Variants in ZNF732 observed in about 807,000 individuals in gnomAD.
ZNF732 encodes zinc finger protein LOC654254.
ZNF732 carries 12 observed loss-of-function variants against 11.5 expected under a neutral mutation model. That is an observed-to-expected ratio of 1.05 (90% CI 0.67 to 1.70). The LOEUF (loss-of-function observed/expected upper bound fraction) is 1.70, where lower values mean the gene tolerates loss of function less well. ZNF732 is among the 40% of genes most tolerant of loss of function. The pLI, the probability that ZNF732 is intolerant of heterozygous loss-of-function variation, is 0.00. For synonymous variants in ZNF732, 231 were observed against 236.5 expected, an observed-to-expected ratio of 0.98 and a Z score of 0.21; for missense variants, 702 against 676.9, an observed-to-expected ratio of 1.04 and a Z score of -0.41.
intron 3 of ZNF732, among the ~76,000 whole-genome samples, chr4:279,464 C>G (rs1719572535): frequency 6.7e-6 from 1 of 150,090 alleles, no homozygotes; most frequent in Admixed American, 6.6e-5. Flanking sequence ...AAAACAACAA[C>G]CAGACATTAT....
At chr4:274,291 A>G (rs1719448997) in intron 3 of ZNF732, among the ~76,000 whole-genome samples, 1 of 151,718 alleles carries the variant, frequency 6.6e-6, no homozygotes, top group South Asian at 2.1e-4. Flanking sequence ...TTCAAATTCA[A>G]TGGAAGTTAA....
At chr4:297,412 T>G (rs1295886553) in intron 1 of ZNF732, among the ~76,000 whole-genome samples, 2 of 151,822 alleles carry the variant, frequency 1.3e-5, no homozygotes, top group East Asian at 3.9e-4. Context: ...TCCTGGGAGG[T>G]GGGCACTAAG....
chr4:296,607 C>G (rs1217297302), intron 1 of ZNF732, among the ~76,000 whole-genome samples: 2 of 152,206 alleles, frequency 1.3e-5, no homozygotes, highest in Non-Finnish European at 2.9e-5. Context: ...TACTGCAACA[C>G]TGGGCTGAGA....
At chr4:285,015 T>A (rs782244880) in intron 3 of ZNF732, among the ~76,000 whole-genome samples, 2 of 152,176 alleles carry the variant, frequency 1.3e-5, no homozygotes, top group Non-Finnish European at 2.9e-5. Flanking sequence ...TTTCCTTTTT[T>A]CCAGCTGGAG....
At chr4:287,129 C>T (rs377537763) in intron 3 of ZNF732, among the ~76,000 whole-genome samples, 5 of 151,874 alleles carry the variant, frequency 3.3e-5, no homozygotes, top group Non-Finnish European at 4.4e-5. Flanking sequence ...CCAGCCTGGG[C>T]GACAGAGCAA....
chr4:284,072 G>A (rs758421147), intron 3 of ZNF732, among the ~76,000 whole-genome samples: 62 of 151,954 alleles, frequency 4.1e-4, no homozygotes, highest in Non-Finnish European at 7.8e-4. Context: ...CACCACGCCC[G>A]GCTAATTTTT....
At chr4:304,696 G>C (rs1218882499) in intron 1 of ZNF732, among the ~76,000 whole-genome samples, 11 of 152,152 alleles carry the variant, frequency 7.2e-5, no homozygotes, top group African/African-American at 2.7e-4. Flanking sequence ...ACAGAACTCA[G>C]CGAAGCGCTG....
intron 3 of ZNF732, among the ~76,000 whole-genome samples, chr4:291,467 AAATT>A (rs782108764): frequency 1.1e-4 from 16 of 152,302 alleles, no homozygotes; most frequent in East Asian, 7.7e-4. Flanking sequence ...TAAAAATAAG[AAATT>A]AATTCAAAAT....
At chr4:284,850 C>CAA (rs1719696623) in intron 3 of ZNF732, among the ~76,000 whole-genome samples, 1 of 118,516 alleles carries the variant, frequency 8.4e-6, no homozygotes, top group Non-Finnish European at 1.6e-5. Context: ...CAGCCCGGGC[C>CAA]ACAGAGTGAG....
intron 3 of ZNF732, among the ~76,000 whole-genome samples, chr4:279,044 G>A (rs782073955): frequency 6.6e-6 from 1 of 152,078 alleles, no homozygotes; most frequent in Non-Finnish European, 1.5e-5. Flanking sequence ...TATTGTGTGT[G>A]TGTCTTTTCT....
At chr4:296,453 G>T (rs1399317423) in intron 1 of ZNF732, among the ~76,000 whole-genome samples, 1 of 152,064 alleles carries the variant, frequency 6.6e-6, no homozygotes, top group Non-Finnish European at 1.5e-5. Flanking sequence ...AAAGTATCTG[G>T]AATGCCTCAC....
chr4:294,674 C>G (rs1476123061), intron 3 of ZNF732, among the ~76,000 whole-genome samples: 1 of 152,100 alleles, frequency 6.6e-6, no homozygotes, highest in African/African-American at 2.4e-5. Flanking sequence ...AACTTATTCA[C>G]GAACCTTTTT....
chr4:297,459 G>C (rs1719976990), intron 1 of ZNF732, among the ~76,000 whole-genome samples: 1 of 151,940 alleles, frequency 6.6e-6, no homozygotes, highest in Non-Finnish European at 1.5e-5. Context: ...ACAGGGCCCA[G>C]AATTACCATT....
At chr4:297,313 G>A (rs181694633) in intron 1 of ZNF732, among the ~76,000 whole-genome samples, 47 of 151,788 alleles carry the variant, frequency 3.1e-4, no homozygotes, top group Admixed American at 9.2e-4. Flanking sequence ...GCATTAATGC[G>A]GTATTTATGG....
intron 3 of ZNF732, among the ~76,000 whole-genome samples, chr4:278,478 A>T (rs555480211): frequency 6.6e-6 from 1 of 152,340 alleles, no homozygotes; most frequent in East Asian, 1.9e-4. Context: ...AGGAAAAGTT[A>T]AATATTAAAT....
chr4:289,273 T>C (rs1414393614), intron 3 of ZNF732, among the ~76,000 whole-genome samples: 1 of 152,274 alleles, frequency 6.6e-6, no homozygotes, highest in African/African-American at 2.4e-5. Context: ...ACACTCTACC[T>C]GCCACCCTGC....
chr4:272,507 C>A lies in ZNF732; in HGVS notation c.350G>T (p.Cys117Phe). The A allele has an allele frequency of 1.2e-6, 2 of 1,602,052 alleles. No homozygotes were observed. The highest frequency in any genetic ancestry group is 1.7e-6 in the Non-Finnish European group (2 of 1,173,590). Residue 117 changes from cysteine (C) to phenylalanine (F), a missense_variant, in exon 4 of 4, where the codon TGT becomes TTT. Transcript: ENST00000419098. Reference protein sequence around the residue: ...GHENLELRKSCKRKVQKGGYN... With the variant: ...GHENLELRKSFKRKVQKGGYN... Reference sequence around the variant, plus strand: ...ACCTCCTTTCTGCACCTTCCTTTTACAGCTTTTTCTTAATTCTAAATTCTC... The same window carrying A: ...ACCTCCTTTCTGCACCTTCCTTTTAAAGCTTTTTCTTAATTCTAAATTCTC...
At chr4:279,210 G>A (rs781898216) in intron 3 of ZNF732, among the ~76,000 whole-genome samples, 14 of 151,682 alleles carry the variant, frequency 9.2e-5, no homozygotes, top group South Asian at 6.2e-4. Flanking sequence ...AGGCCGAGGC[G>A]GGCAGATCAC....
At chr4:275,639 G>C (rs1435455264) in intron 3 of ZNF732, among the ~76,000 whole-genome samples, 1 of 151,760 alleles carries the variant, frequency 6.6e-6, no homozygotes, top group Non-Finnish European at 1.5e-5. Flanking sequence ...AATTATTGCA[G>C]CACTGTTCCT....
Sources: allele counts gnomAD v4.1 joint callset (sites outside exome capture counted in the v4.1 genomes callset), GRCh38; gene constraint gnomAD v4.1.1; transcripts MANE v1.5; gene names NCBI Gene and HGNC (gene_info 2026-07-23, HGNC 2026-07-21).